Variants in DRC9 observed in about 807,000 individuals in gnomAD.
The protein encoded by DRC9 is dynein regulatory complex protein 9.
At chr3:197,903,738 T>C in the DRC9 span, among the ~76,000 whole-genome samples, 1 of 152,000 alleles carries the variant, frequency 6.6e-6, no homozygotes, top group African/African-American at 2.4e-5. Flanking sequence ...GCAAACTACC[T>C]ATATGACAAG....
the DRC9 span, chr3:197,953,389 A>C: frequency 2.2e-6 from 1 of 456,052 alleles, no homozygotes; most frequent in African/African-American, 2.0e-5. Context: ...AAGGAAATAT[A>C]TATAAAGTCA....
chr3:197,897,817 G>T, the DRC9 span, among the ~76,000 whole-genome samples: 2 of 149,658 alleles, frequency 1.3e-5, no homozygotes, highest in African/African-American at 5.0e-5. Context: ...TGTCGCCCAG[G>T]CTGGAGTGCG....
At chr3:197,890,625 T>C in the DRC9 span, among the ~76,000 whole-genome samples, 3 of 152,124 alleles carry the variant, frequency 2.0e-5, no homozygotes, top group Non-Finnish European at 4.4e-5. Flanking sequence ...TGGAAGCAAA[T>C]CCACTAGTGA....
chr3:197,889,818 C>T, the DRC9 span: 2 of 1,345,350 alleles, frequency 1.5e-6, no homozygotes, highest in African/African-American at 1.4e-5. Flanking sequence ...GTCTGACAAA[C>T]AGTCTCTCTC....
the DRC9 span, among the ~76,000 whole-genome samples, chr3:197,897,236 A>G: frequency 6.6e-6 from 1 of 152,200 alleles, no homozygotes; most frequent in Non-Finnish European, 1.5e-5. Flanking sequence ...AAGTTACAAA[A>G]AAGACTCAAA....
chr3:197,913,868 T>C, the DRC9 span: 1 of 1,613,932 alleles, frequency 6.2e-7, no homozygotes, highest in Non-Finnish European at 8.5e-7. Flanking sequence ...TTGGCTAATG[T>C]CCCAGGGATT....
chr3:197,951,985 C>T, the DRC9 span, among the ~76,000 whole-genome samples: 1 of 152,096 alleles, frequency 6.6e-6, no homozygotes, highest in East Asian at 1.9e-4. Flanking sequence ...GACGTTACTT[C>T]TGAGGGTGGT....
At chr3:197,954,179 G>C in the DRC9 span, 1 of 1,612,366 alleles carries the variant, frequency 6.2e-7, no homozygotes, top group Non-Finnish European at 8.5e-7. Context: ...ATGGACGTCT[G>C]ATGAATCAGA....
chr3:197,921,542 G>T, the DRC9 span, among the ~76,000 whole-genome samples: 2 of 151,246 alleles, frequency 1.3e-5, no homozygotes, highest in African/African-American at 2.4e-5. Flanking sequence ...TAACTCCGGG[G>T]ATTTAACTTG....
the DRC9 span, chr3:197,925,964 C>T: frequency 1.2e-6 from 1 of 860,652 alleles, no homozygotes; most frequent in Non-Finnish European, 2.0e-6. Flanking sequence ...AAGATGGCTT[C>T]CATATATTTA....
the DRC9 span, among the ~76,000 whole-genome samples, chr3:197,925,122 G>C: frequency 1.3e-5 from 2 of 151,942 alleles, no homozygotes; most frequent in Non-Finnish European, 2.9e-5. Flanking sequence ...CATCTGGGAT[G>C]TGAGAGTACA....
chr3:197,956,015 C>T, the DRC9 span: 1 of 511,094 alleles, frequency 2.0e-6, no homozygotes, highest in Non-Finnish European at 3.6e-6. Context: ...GTTGCCCATG[C>T]TGGAGTGTAG....
At chr3:197,915,007 T>C in the DRC9 span, among the ~76,000 whole-genome samples, 1 of 150,994 alleles carries the variant, frequency 6.6e-6, no homozygotes, top group Non-Finnish European at 1.5e-5. Context: ...CTACTAAAAA[T>C]ACGAAAAATA....
chr3:197,932,802 T>A, the DRC9 span, among the ~76,000 whole-genome samples: 16 of 141,176 alleles, frequency 1.1e-4, no homozygotes, highest in Non-Finnish European at 2.1e-4. Flanking sequence ...TCTCAAAAAA[T>A]ATATATATGT....
chr3:197,917,318 A>G, the DRC9 span, among the ~76,000 whole-genome samples: 46 of 152,338 alleles, frequency 3.0e-4, no homozygotes, highest in East Asian at 7.9e-3. Context: ...CCCTGTCTCA[A>G]AAAGGTCCCT....
chr3:197,912,385 AAATT>A, the DRC9 span: 3,141 of 257,374 alleles, frequency 0.012, 96 homozygotes, highest in African/African-American at 0.064. Flanking sequence ...TTTAAGTCAT[AAATT>A]AAGTCATAAT....
chr3:197,910,552 T>C, the DRC9 span, among the ~76,000 whole-genome samples: 1 of 152,190 alleles, frequency 6.6e-6, no homozygotes, highest in Non-Finnish European at 1.5e-5. Flanking sequence ...CAAGAGAGCA[T>C]CTACAAATTC....
the DRC9 span, chr3:197,960,048 C>A: frequency 1.6e-6 from 1 of 606,332 alleles, no homozygotes; most frequent in Non-Finnish European, 2.9e-6. Flanking sequence ...CATTTATTGG[C>A]CGGCTTCGCG....
chr3:197,933,628 T>C, the DRC9 span, among the ~76,000 whole-genome samples: 1 of 152,006 alleles, frequency 6.6e-6, no homozygotes, highest in Non-Finnish European at 1.5e-5. Context: ...GAGACTTGGT[T>C]TTTTTTAAAG....
Sources: gnomAD v4.1 joint callset for allele counts (sites outside exome capture counted in the v4.1 genomes callset) on GRCh38, gnomAD v4.1.1 for gene constraint, MANE v1.5 for transcripts, NCBI Gene and HGNC (gene_info 2026-07-23, HGNC 2026-07-21) for gene names.